Variants in VWC2L observed in about 807,000 individuals in gnomAD.
VWC2L encodes von Willebrand factor C domain containing 2 like.
A neutral mutation model predicts 21.6 loss-of-function variants in VWC2L; 10 were observed. That is an observed-to-expected ratio of 0.46 (90% CI 0.29 to 0.78). VWC2L has a LOEUF of 0.78. VWC2L is among the 30% of genes least tolerant of loss of function. The probability of loss-of-function intolerance (pLI) is 0.10; values close to 1 mark genes in which losing one functional copy is unlikely to be tolerated. For missense variants in VWC2L, 209 were observed against 277.1 expected, an observed-to-expected ratio of 0.75 and a Z score of 1.74; for synonymous variants, 96 against 94.3, an observed-to-expected ratio of 1.02 and a Z score of -0.10.
intron 3 of VWC2L, among the ~76,000 whole-genome samples, chr2:214,524,856 A>G (rs1164176629): frequency 2.0e-5 from 3 of 152,144 alleles, no homozygotes; most frequent in African/African-American, 7.2e-5. Flanking sequence ...TCTTGACTCA[A>G]AGTTTAGAGG....
At chr2:214,412,718 A>G (rs1003580412) in intron 1 of VWC2L, among the ~76,000 whole-genome samples, 6 of 152,054 alleles carry the variant, frequency 3.9e-5, no homozygotes, top group African/African-American at 1.4e-4. Context: ...TAAAATGCAA[A>G]TATAATAGTT....
chr2:214,475,688 A>G (rs1013143466), intron 3 of VWC2L, among the ~76,000 whole-genome samples: 22 of 152,202 alleles, frequency 1.4e-4, no homozygotes, highest in South Asian at 1.0e-3. Context: ...CCAATTTTTG[A>G]ACAGAAACCG....
chr2:214,414,095 T>C lies in VWC2L; in HGVS notation c.-80-19T>C. The C allele has an allele frequency of 2.3e-6, 3 of 1,305,784 alleles. No homozygotes were observed. Among genetic ancestry groups the C allele is most frequent in the Non-Finnish European group, 2.1e-6 (2 of 962,464 alleles). 80.9% of individuals were successfully genotyped at this position (1,305,784 alleles called of 1,614,324 possible). A position where few individuals can be genotyped will look rare whatever the true frequency, so the allele number is the denominator to read the frequency against. ...ACTTTATATATGTCAAATTATTCTT[T>C]TTAAATATTTATTTTCAGCCTACCC... On this transcript the variant is annotated intron_variant, in intron 1 of 3. Transcript: ENST00000312504.
At chr2:214,432,532 G>T (rs564918379) in intron 2 of VWC2L, among the ~76,000 whole-genome samples, 1 of 152,286 alleles carries the variant, frequency 6.6e-6, no homozygotes, top group East Asian at 1.9e-4. Context: ...CATTTTACTT[G>T]TTGATTTATA....
At chr2:214,439,673 C>A (rs749444008) in intron 3 of VWC2L, among the ~76,000 whole-genome samples, 8 of 151,708 alleles carry the variant, frequency 5.3e-5, no homozygotes. Context: ...AAGCATGAGG[C>A]ATTAAAGTTA....
At chr2:214,464,116 G>A (rs1225106754) in intron 3 of VWC2L, among the ~76,000 whole-genome samples, 4 of 151,892 alleles carry the variant, frequency 2.6e-5, no homozygotes, top group East Asian at 1.9e-4. Context: ...CTGTCTGAAC[G>A]GTCACATATC....
rs181135151 is a variant in VWC2L at position 214,543,462 on chromosome 2, G to A, written c.521-32210G>A. 1.1e-4 allele frequency among the ~76,000 whole-genome samples: 17 copies of A among 152,166 alleles called. 1 individual carries two copies. The highest frequency in any genetic ancestry group is 1.9e-4 in the African/African-American group (8 of 41,512). On this transcript the variant is annotated intron_variant, in intron 3 of 3. Transcript: ENST00000312504. ...CAACCAAGATAATCTAATCAATATC[G>A]TCAAGTTTTTATCTTCACATTTCAT...
At chr2:214,544,238 G>C (rs529540203) in intron 3 of VWC2L, among the ~76,000 whole-genome samples, 1 of 152,234 alleles carries the variant, frequency 6.6e-6, no homozygotes, top group African/African-American at 2.4e-5. Context: ...AATTCTCTGG[G>C]CATTTATCTG....
intron 2 of VWC2L, among the ~76,000 whole-genome samples, chr2:214,426,369 G>A (rs1702524986): frequency 6.6e-6 from 1 of 152,028 alleles, no homozygotes; most frequent in Non-Finnish European, 1.5e-5. Flanking sequence ...AGAAATAAGA[G>A]TGAGGCGGGA....
chr2:214,533,553 A>AAC (rs984991792), intron 3 of VWC2L, among the ~76,000 whole-genome samples: 5 of 151,854 alleles, frequency 3.3e-5, no homozygotes, highest in African/African-American at 9.7e-5. Context: ...GAAAAAGAAA[A>AAC]AAAAAAAGCC....
chr2:214,485,666 C>T (rs1228986312), intron 3 of VWC2L, among the ~76,000 whole-genome samples: 1 of 152,162 alleles, frequency 6.6e-6, no homozygotes, highest in Non-Finnish European at 1.5e-5. Context: ...AGGAAATATG[C>T]TTTCTTCTTC....
intron 3 of VWC2L, among the ~76,000 whole-genome samples, chr2:214,505,751 T>G (rs1482945087): frequency 3.3e-5 from 5 of 151,902 alleles, no homozygotes; most frequent in African/African-American, 1.2e-4. Context: ...TTCCCAATCA[T>G]TAAAAGAAAA....
At position 214,414,193 on chromosome 2, in the gene VWC2L, G is replaced by A. The variant is rs1559283040; in HGVS notation, c.-1G>A. 2 of 1,609,090 alleles carry A rather than the reference G, an allele frequency of 1.2e-6. No individual in the cohort carries two copies. Among genetic ancestry groups the A allele is most frequent in the Middle Eastern group, 1.9e-4 (1 of 5,262 alleles). ...ACATCCAGAAGTCTTTGAAGAGGGG[G>A]ATGGCTCTTCATATTCATGAAGCTT... On this transcript the variant is annotated 5_prime_UTR_variant, in exon 2 of 4. Coordinates refer to ENST00000312504, the MANE Select transcript of VWC2L (RefSeq NM_001080500.4).
intron 3 of VWC2L, among the ~76,000 whole-genome samples, chr2:214,516,656 T>TA (rs11344455): frequency 1.6e-3 from 233 of 143,620 alleles, no homozygotes; most frequent in East Asian, 4.6e-3. Context: ...CTTTTGAAAT[T>TA]AAAAAAAAAA....
At chr2:214,564,131 AAGG>A (rs1167655169) in intron 3 of VWC2L, among the ~76,000 whole-genome samples, 1 of 152,176 alleles carries the variant, frequency 6.6e-6, no homozygotes, top group Non-Finnish European at 1.5e-5. Context: ...GGATCTCTTG[AAGG>A]AGAACCACAA....
intron 3 of VWC2L, among the ~76,000 whole-genome samples, chr2:214,564,134 G>A (rs1474269069): frequency 1.3e-5 from 2 of 152,070 alleles, no homozygotes; most frequent in African/African-American, 4.8e-5. Flanking sequence ...TCTCTTGAAG[G>A]AGAACCACAA....
intron 3 of VWC2L, among the ~76,000 whole-genome samples, chr2:214,438,639 A>T (rs1424038159): frequency 6.6e-6 from 1 of 152,082 alleles, no homozygotes; most frequent in Non-Finnish European, 1.5e-5. Context: ...ACTAAAGCCC[A>T]TAATATACCC....
intron 3 of VWC2L, among the ~76,000 whole-genome samples, chr2:214,541,727 G>A (rs532256401): frequency 1.3e-5 from 2 of 152,208 alleles, no homozygotes; most frequent in East Asian, 1.9e-4. Flanking sequence ...TAGCATGTAC[G>A]AGACTCAGCT....
rs1690236837 is a variant in VWC2L, at chr2:214,576,805, G to A, written c.*985G>A. The A allele has an allele frequency of 6.6e-6, 1 of 152,134 alleles. No individual in the cohort carries two copies. The highest frequency in any genetic ancestry group is 2.4e-5 in the African/African-American group (1 of 41,426). The allele number at this position is 152,134 out of a possible 1,614,324, so 9.4% of individuals were successfully genotyped here. On this transcript the variant is annotated 3_prime_UTR_variant, in exon 4 of 4. Transcript: ENST00000312504. ...TCAGTAGTACACACTGGCAGTTTTT[G>A]TGGTTCGGGACTGTGTTTGCCATGT...
Sources: gnomAD v4.1 joint callset for allele counts (sites outside exome capture counted in the v4.1 genomes callset) on GRCh38, gnomAD v4.1.1 for gene constraint, MANE v1.5 for transcripts, NCBI Gene and HGNC (gene_info 2026-07-23, HGNC 2026-07-21) for gene names.